Variants in NFATC2 observed in about 807,000 individuals in gnomAD.
NFATC2 encodes the protein nuclear factor of activated T cells 2.
Under a neutral mutation model 87.3 loss-of-function variants are expected in NFATC2, and 22 were observed. The observed-to-expected ratio is 0.25, with a 90% CI of 0.18 to 0.36. The LOEUF (loss-of-function observed/expected upper bound fraction) is 0.36, where lower values mean the gene tolerates loss of function less well. NFATC2 is among the 10% of genes least tolerant of loss of function. The pLI is 1.00. For synonymous variants in NFATC2, 565 were observed against 542.2 expected (o/e 1.04, Z -0.58); for missense variants, 1,149 against 1,259.1 (o/e 0.91, Z 1.32).
intron 5 of NFATC2, among the ~76,000 whole-genome samples, chr20:51,467,702 A>T (rs907912033): frequency 1.3e-5 from 2 of 152,214 alleles, no homozygotes; most frequent in Non-Finnish European, 2.9e-5. Flanking sequence ...GACAATACCA[A>T]ATATTGGTGA....
At position 51,396,034 on chromosome 20, in the gene NFATC2, GTA is replaced by G. The variant is rs1325327900; in HGVS notation, c.*44+2607_*44+2608del. Among the ~76,000 whole-genome samples the G allele has an allele frequency of 2.4e-4, 30 of 126,520 alleles. 1 individual carries two copies. The highest frequency in any genetic ancestry group is 6.7e-4 in the Admixed American group (8 of 11,982). 83.0% of individuals were successfully genotyped at this position (126,520 alleles called of 152,430 possible). A position where few individuals can be genotyped will look rare whatever the true frequency, so the allele number is the denominator to read the frequency against. On this transcript the variant is annotated intron_variant, in intron 10 of 10. Coordinates refer to ENST00000371564, the MANE Select transcript of NFATC2 (RefSeq NM_012340.5). ...AAGAGCTGTAGTTTGTCAGCTCCTA[GTA>G]TGTATATATATATATATATATATAT...
At chr20:51,410,444 TA>T (rs1979045011) in intron 9 of NFATC2, among the ~76,000 whole-genome samples, 1 of 152,070 alleles carries the variant, frequency 6.6e-6, no homozygotes, top group South Asian at 2.1e-4. Context: ...TCTTTAAGCT[TA>T]GGGGGAGGGG....
At chr20:51,399,488 T>TAAACTAGGATGCTTTTTCAAA (rs547411052) in intron 9 of NFATC2, among the ~76,000 whole-genome samples, 488 of 151,390 alleles carry the variant, frequency 3.2e-3, no homozygotes, top group Middle Eastern at 6.8e-3. Flanking sequence ...AAATGTCAAG[T>TAAACTAGGATGCTTTTTCAAA]AAACTAGGAT....
upstream of NFATC2, among the ~76,000 whole-genome samples, chr20:51,545,960 A>G (rs1401912190): frequency 6.6e-6 from 1 of 152,180 alleles, no homozygotes; most frequent in Non-Finnish European, 1.5e-5. Context: ...TCTCCTTAAA[A>G]TCCTTAGAGT....
At chr20:51,528,845 G>A (rs538232784) in intron 1 of NFATC2, among the ~76,000 whole-genome samples, 11 of 152,270 alleles carry the variant, frequency 7.2e-5, no homozygotes, top group Admixed American at 2.0e-4. Flanking sequence ...CCCACCCACT[G>A]GAGGCCTCAA....
At chr20:51,401,558 A>G (rs182441526) in intron 9 of NFATC2, among the ~76,000 whole-genome samples, 1 of 151,892 alleles carries the variant, frequency 6.6e-6, no homozygotes, top group Non-Finnish European at 1.5e-5. Context: ...AGTAATATGG[A>G]GATGCGGACG....
chr20:51,437,704 A>G (rs920046210), intron 6 of NFATC2, among the ~76,000 whole-genome samples: 6 of 152,196 alleles, frequency 3.9e-5, no homozygotes, highest in African/African-American at 1.4e-4. Context: ...TTACAGCGCA[A>G]TTCCTGAAAT....
At chr20:51,502,394 C>T (rs1483940816) in intron 3 of NFATC2, among the ~76,000 whole-genome samples, 2 of 152,172 alleles carry the variant, frequency 1.3e-5, no homozygotes, top group African/African-American at 2.4e-5. Flanking sequence ...AGCATGATCA[C>T]AGCTCACTGC....
At chr20:51,461,333 A>C (rs1044705331) in intron 5 of NFATC2, among the ~76,000 whole-genome samples, 1 of 152,142 alleles carries the variant, frequency 6.6e-6, no homozygotes, top group East Asian at 1.9e-4. Context: ...CACAGCCTGC[A>C]GTTTTCCAAC....
Position 51,491,739 on chromosome 20 carries a change from C to A in NFATC2, c.1333-16079G>T, listed in dbSNP as rs955170852. 2.0e-5 allele frequency among the ~76,000 whole-genome samples: 3 copies of A among 151,988 alleles called. No homozygotes were observed. The South Asian group carries it at 6.2e-4, about 32-fold the overall frequency. ...CGGGCTCCAGGACACTCCTGGGCAC[C>A]CATAGGTCTCTGTGTGCATCTGTTT... On this transcript the variant is annotated intron_variant, in intron 3 of 10. Coordinates refer to ENST00000371564, the MANE Select transcript of NFATC2 (RefSeq NM_012340.5).
upstream of NFATC2, among the ~76,000 whole-genome samples, chr20:51,546,260 A>C (rs1286169301): frequency 6.6e-6 from 1 of 152,214 alleles, no homozygotes; most frequent in Non-Finnish European, 1.5e-5. Flanking sequence ...TTTAAAAGGA[A>C]GTGCTTCAGA....
intron 3 of NFATC2, among the ~76,000 whole-genome samples, chr20:51,498,025 A>G (rs1477444158): frequency 6.6e-6 from 1 of 152,156 alleles, no homozygotes; most frequent in Non-Finnish European, 1.5e-5. Flanking sequence ...TCATCATAAA[A>G]CTAACTTGTG....
chr20:51,485,290 G>A (rs1989611758), intron 3 of NFATC2, among the ~76,000 whole-genome samples: 1 of 152,150 alleles, frequency 6.6e-6, no homozygotes, highest in Non-Finnish European at 1.5e-5. Context: ...AAAAAACCTG[G>A]ATCATTTTGT....
chr20:51,540,663 T>TTTTTTTTTTTTGTTTG (rs1555818354), intron 1 of NFATC2, among the ~76,000 whole-genome samples: 6 of 135,770 alleles, frequency 4.4e-5, no homozygotes, highest in East Asian at 4.6e-4. Flanking sequence ...TTTTTGTTTT[T>TTTTTTTTTTTTGTTTG]TTTTTTTTGA....
At chr20:51,544,361 T>G (rs1212529147), upstream of NFATC2, among the ~76,000 whole-genome samples, 6 of 151,670 alleles carry the variant, frequency 4.0e-5, no homozygotes, top group Non-Finnish European at 7.4e-5. Context: ...ACGGGAGAGG[T>G]CTTAAGATCC....
intron 1 of NFATC2, among the ~76,000 whole-genome samples, chr20:51,527,049 C>A (rs1206054022): frequency 6.6e-6 from 1 of 152,046 alleles, no homozygotes; most frequent in Non-Finnish European, 1.5e-5. Flanking sequence ...CCAGTGCACA[C>A]CACCGGGCTC....
chr20:51,530,443 A>G (rs145471336), intron 1 of NFATC2, among the ~76,000 whole-genome samples: 134 of 152,280 alleles, frequency 8.8e-4, no homozygotes, highest in African/African-American at 3.2e-3. Context: ...TGCTGGGATT[A>G]CAGGCATTAG....
intron 1 of NFATC2, among the ~76,000 whole-genome samples, chr20:51,538,273 C>G (rs2076752051): frequency 6.6e-6 from 1 of 152,058 alleles, no homozygotes; most frequent in African/African-American, 2.4e-5. Flanking sequence ...ATAAAGAAAT[C>G]TAATAATGTA....
chr20:51,523,529 C>T lies in NFATC2; in HGVS notation c.712G>A (p.Val238Met). ...GAGGAGCGGGAGGCCGGACGGGGCA[C>T]GGGCGAGTGGCGGCCCAGGCAGCTG... Reference protein sequence around the residue: ...EDSCLGRHSPVPRPASRSSSP... With the variant: ...EDSCLGRHSPMPRPASRSSSP... Residue 238 changes from valine to methionine, a missense_variant, in exon 2 of 11, where the codon GTG becomes ATG. Around this residue, in one of 3 missense-constraint regions of NFATC2, gnomAD observed 563 missense variants for 585.2 expected, o/e 0.96. Transcript: ENST00000371564. This position sits in a 1 kb window ranked among gnomAD's most constrained non-coding sequence, Gnocchi z 6.9. 8.1e-6 allele frequency: 13 copies of T among 1,613,496 alleles called. No homozygotes were observed. Among genetic ancestry groups the T allele is most frequent in the Non-Finnish European group, 1.0e-5 (12 of 1,179,704 alleles).
Sources: allele counts gnomAD v4.1 joint callset (sites outside exome capture counted in the v4.1 genomes callset), GRCh38; gene constraint gnomAD v4.1.1; regional missense constraint gnomAD v4.1.1; non-coding constraint Gnocchi (gnomAD v3.1); transcripts MANE v1.5; gene names NCBI Gene and HGNC (gene_info 2026-07-23, HGNC 2026-07-21).